The following SDCCAG8 variants were observed in gnomAD, a reference collection of about 807,000 sequenced individuals.
SDCCAG8 encodes SHH signaling and ciliogenesis regulator SDCCAG8.
SDCCAG8 carries 74 observed loss-of-function variants against 101.8 expected under a neutral mutation model. The observed-to-expected ratio is 0.73, with a 90% CI of 0.60 to 0.88. The LOEUF (loss-of-function observed/expected upper bound fraction) is 0.88. Among genes scored for constraint, SDCCAG8 ranks in the 40% least tolerant of loss-of-function variants. The probability of loss-of-function intolerance (pLI) is 0.00; values close to 1 mark genes in which losing one functional copy is unlikely to be tolerated. For missense variants in SDCCAG8, 787 were observed against 822.6 expected (o/e 0.96, Z 0.53); for synonymous variants, 281 against 292.9 (o/e 0.96, Z 0.41).
chr1:243,466,325 G>A (rs1660140085), intron 16 of SDCCAG8, among the ~76,000 whole-genome samples: 2 of 152,134 alleles, frequency 1.3e-5, no homozygotes, highest in South Asian at 4.1e-4. Flanking sequence ...GGCCTAGAGA[G>A]GCTAAATGTC....
At chr1:243,303,282 A>G (rs1021960344) in intron 6 of SDCCAG8, among the ~76,000 whole-genome samples, 2 of 152,250 alleles carry the variant, frequency 1.3e-5, no homozygotes, top group Non-Finnish European at 2.9e-5. Context: ...GACTTCTTTT[A>G]TGACGTGGAC....
intron 12 of SDCCAG8, among the ~76,000 whole-genome samples, chr1:243,363,423 G>A (rs986819946): frequency 8.5e-5 from 13 of 152,202 alleles, no homozygotes; most frequent in Admixed American, 5.2e-4. Context: ...TCAAAGTGCC[G>A]TTGTAAATAT....
intron 13 of SDCCAG8, among the ~76,000 whole-genome samples, chr1:243,394,516 A>G (rs1302081305): frequency 1.3e-5 from 2 of 152,194 alleles, no homozygotes; most frequent in African/African-American, 4.8e-5. Flanking sequence ...AAGGGGGTGG[A>G]AAAATGAATA....
chr1:243,268,002 G>T (rs2067770539), intron 1 of SDCCAG8: 2 of 779,888 alleles, frequency 2.6e-6, no homozygotes, highest in East Asian at 4.9e-5. Flanking sequence ...AACGCGCTGG[G>T]ATCCTTCTTT....
intron 16 of SDCCAG8, among the ~76,000 whole-genome samples, chr1:243,443,038 G>A (rs558917746): frequency 6.6e-6 from 1 of 152,238 alleles, no homozygotes; most frequent in South Asian, 2.1e-4. Flanking sequence ...CACTTATTTT[G>A]ATGCAAAGAG....
intron 6 of SDCCAG8, among the ~76,000 whole-genome samples, chr1:243,303,685 T>G (rs1170742038): frequency 2.0e-5 from 3 of 152,236 alleles, no homozygotes; most frequent in Non-Finnish European, 4.4e-5. Flanking sequence ...ATGTAATACA[T>G]ATAGCATACA....
chr1:243,443,953 A>G lies in SDCCAG8; in HGVS notation c.1985+17395A>G, dbSNP rs1032847808. On this transcript the variant is annotated intron_variant, in intron 16 of 17. Transcript: ENST00000366541. ...AATGAAATATTTTCAGACTCTTGGA[A>G]CTCTTGGAATAGCTGAATCATAAAA... Among the ~76,000 whole-genome samples, 4 of 152,184 alleles carry G rather than the reference A, an allele frequency of 2.6e-5. No individual in the cohort carries two copies. In the East Asian group the frequency reaches 7.7e-4, roughly 29 times the overall value.
chr1:243,421,562 GC>G (rs1422440588), intron 15 of SDCCAG8, among the ~76,000 whole-genome samples: 2 of 152,166 alleles, frequency 1.3e-5, no homozygotes, highest in Non-Finnish European at 2.9e-5. Context: ...TAGTTTGCGC[GC>G]TCTGTGTACT....
At chr1:243,469,171 T>A (rs1015047701) in intron 16 of SDCCAG8, among the ~76,000 whole-genome samples, 2 of 152,214 alleles carry the variant, frequency 1.3e-5, no homozygotes, top group African/African-American at 4.8e-5. Flanking sequence ...CTAATAATAG[T>A]TTCTTGACTT....
chr1:243,395,851 A>G (rs1219513188), intron 13 of SDCCAG8, among the ~76,000 whole-genome samples: 3 of 152,052 alleles, frequency 2.0e-5, no homozygotes. Context: ...ATTCAATTTT[A>G]TATCAATAAG....
intron 16 of SDCCAG8, among the ~76,000 whole-genome samples, chr1:243,440,372 C>T (rs1172189121): frequency 2.0e-5 from 3 of 152,134 alleles, no homozygotes; most frequent in Non-Finnish European, 4.4e-5. Context: ...ACTAAATAAG[C>T]TCTGCTGCTA....
intron 12 of SDCCAG8, among the ~76,000 whole-genome samples, chr1:243,358,049 A>G (rs2076487030): frequency 6.6e-6 from 1 of 152,202 alleles, no homozygotes; most frequent in Non-Finnish European, 1.5e-5. Flanking sequence ...TTTCTTAGGT[A>G]TGATGCCAAA....
chr1:243,427,515 C>A (rs887889523), intron 16 of SDCCAG8, among the ~76,000 whole-genome samples: 6 of 151,974 alleles, frequency 3.9e-5, no homozygotes, highest in Non-Finnish European at 8.8e-5. Context: ...TAGCAGCCAC[C>A]CTTCCAGTGG....
intron 16 of SDCCAG8, among the ~76,000 whole-genome samples, chr1:243,434,627 T>G (rs2082016361): frequency 6.6e-6 from 1 of 152,214 alleles, no homozygotes; most frequent in African/African-American, 2.4e-5. Context: ...AAGTTTATCC[T>G]TTTCAAATTA....
At chr1:243,383,619 C>T (rs1422194666) in intron 13 of SDCCAG8, among the ~76,000 whole-genome samples, 1 of 152,194 alleles carries the variant, frequency 6.6e-6, no homozygotes, top group African/African-American at 2.4e-5. Flanking sequence ...TGACCTCTCA[C>T]AAAGGTTATC....
intron 16 of SDCCAG8, among the ~76,000 whole-genome samples, chr1:243,430,605 A>AT (rs899195671): frequency 1.2e-4 from 18 of 151,488 alleles, no homozygotes; most frequent in Non-Finnish European, 2.2e-4. Context: ...CGCCCGGCTA[A>AT]TTTTTTGTAT....
chr1:243,486,646 G>A (rs768587544), intron 16 of SDCCAG8, among the ~76,000 whole-genome samples: 2 of 152,250 alleles, frequency 1.3e-5, no homozygotes, highest in Non-Finnish European at 2.9e-5. Flanking sequence ...TGCTGTGAGA[G>A]CGGCTTTGGC....
chr1:243,257,302 T>C (rs1476389441), intron 1 of SDCCAG8, among the ~76,000 whole-genome samples: 1 of 152,206 alleles, frequency 6.6e-6, no homozygotes, highest in Non-Finnish European at 1.5e-5. Context: ...CATGACTGTT[T>C]GCGACATTGA....
intron 16 of SDCCAG8, among the ~76,000 whole-genome samples, chr1:243,470,777 C>G (rs1363811287): frequency 6.6e-6 from 1 of 152,152 alleles, no homozygotes; most frequent in African/African-American, 2.4e-5. Flanking sequence ...TGTGGCAAGA[C>G]AGCATCACAA....
Sources: allele counts gnomAD v4.1 joint callset (sites outside exome capture counted in the v4.1 genomes callset), GRCh38; gene constraint gnomAD v4.1.1; transcripts MANE v1.5; gene names NCBI Gene and HGNC (gene_info 2026-07-23, HGNC 2026-07-21).